FHOD3: variants seen among roughly 807,000 people sequenced by gnomAD.
The protein encoded by FHOD3 is formin homology 2 domain containing 3.
FHOD3 carries 90 observed loss-of-function variants against 173.0 expected under a neutral mutation model. The observed-to-expected ratio is 0.52, with a 90% CI of 0.44 to 0.62. The LOEUF (loss-of-function observed/expected upper bound fraction) is 0.62. Among genes scored for constraint, FHOD3 ranks in the 20% least tolerant of loss-of-function variants. FHOD3 has a pLI of 0.00. For synonymous variants in FHOD3, 828 were observed against 823.0 expected (o/e 1.01, Z -0.10); for missense variants, 1,945 against 2,034.7 (o/e 0.96, Z 0.85).
chr18:36,661,068 G>A (rs117506201), intron 14 of FHOD3, among the ~76,000 whole-genome samples: 3,199 of 152,026 alleles, frequency 0.021, 93 homozygotes, highest in Non-Finnish European at 0.024. Context: ...ATTAAGACCA[G>A]GAAGCCACTG....
At chr18:36,632,473 T>C (rs1209121482) in intron 10 of FHOD3, among the ~76,000 whole-genome samples, 1 of 152,234 alleles carries the variant, frequency 6.6e-6, no homozygotes. Context: ...AAGTAGAATA[T>C]AAGTATTCTT....
At chr18:36,757,126 A>G (rs935090240) in intron 25 of FHOD3, among the ~76,000 whole-genome samples, 5 of 152,236 alleles carry the variant, frequency 3.3e-5, no homozygotes, top group African/African-American at 9.6e-5. Context: ...TAATTTTTAA[A>G]TTCTTTCTCT....
intron 6 of FHOD3, among the ~76,000 whole-genome samples, chr18:36,581,325 G>C (rs2058843770): frequency 6.6e-6 from 1 of 152,108 alleles, no homozygotes; most frequent in African/African-American, 2.4e-5. Flanking sequence ...ATGGCCCTTT[G>C]TCACCCAGCA....
chr18:36,427,957 A>G (rs530730406), intron 3 of FHOD3, among the ~76,000 whole-genome samples: 5 of 152,246 alleles, frequency 3.3e-5, no homozygotes, highest in Non-Finnish European at 7.3e-5. Flanking sequence ...TAGGTTTTGA[A>G]CAAGGCATGT....
chr18:36,732,605 A>C (rs2041422750), intron 20 of FHOD3, among the ~76,000 whole-genome samples: 1 of 152,236 alleles, frequency 6.6e-6, no homozygotes, highest in Non-Finnish European at 1.5e-5. Context: ...ACTCGAATCC[A>C]GGAATCCAGC....
intron 19 of FHOD3, among the ~76,000 whole-genome samples, chr18:36,728,405 G>A (rs143288840): frequency 7.9e-5 from 12 of 152,222 alleles, no homozygotes; most frequent in African/African-American, 2.4e-4. Context: ...GAATTTCCAG[G>A]GACTCCTGAT....
chr18:36,456,125 T>C (rs577143065), intron 3 of FHOD3, among the ~76,000 whole-genome samples: 5 of 152,254 alleles, frequency 3.3e-5, no homozygotes, highest in African/African-American at 9.6e-5. Flanking sequence ...TTGAACTTCT[T>C]TTGTCCTGCG....
At chr18:36,603,624 C>G (rs964010418) in intron 8 of FHOD3, among the ~76,000 whole-genome samples, 1 of 151,960 alleles carries the variant, frequency 6.6e-6, no homozygotes, top group Non-Finnish European at 1.5e-5. Context: ...CTGCCTTAGC[C>G]CCTCTAGTAG....
intron 3 of FHOD3, among the ~76,000 whole-genome samples, chr18:36,492,133 A>G (rs1422088753): frequency 1.3e-5 from 2 of 152,122 alleles, no homozygotes; most frequent in African/African-American, 4.8e-5. Context: ...CCAGTCCTCC[A>G]CGTGGTCTTA....
chr18:36,625,497 C>T lies in FHOD3; in HGVS notation c.958-14C>T. The T allele has an allele frequency of 5.7e-6, 8 of 1,406,524 alleles. No homozygotes were observed. The highest frequency in any genetic ancestry group is 6.6e-6 in the Non-Finnish European group (7 of 1,065,310). The allele number at this position is 1,406,524 out of a possible 1,614,324, so 87.1% of individuals were successfully genotyped here. On this transcript the variant is annotated splice_polypyrimidine_tract_variant and intron_variant, in intron 9 of 28. Transcript: ENST00000590592. ...CAAGCCTGACCTTGCACTGGGCGTG[C>T]TCTGCTTTTCCAGGTGGCGCTCAGG...
In FHOD3 at chr18:36,612,385, G is replaced by A. The variant is rs368887500; in HGVS notation, c.957+290G>A. 3.9e-4 allele frequency among the ~76,000 whole-genome samples: 59 copies of A among 152,258 alleles called. 1 individual carries two copies. The East Asian group carries it at 5.6e-3, about 14-fold the overall frequency. ...TTTAAAGAACATGCCGTTTGTCAGCGGCACCTTCACTCAAGGAGACGGGGA... is the reference window on the plus strand; with the variant it reads ...TTTAAAGAACATGCCGTTTGTCAGCAGCACCTTCACTCAAGGAGACGGGGA... On this transcript the variant is annotated intron_variant, in intron 9 of 28. Transcript: ENST00000590592.
chr18:36,345,719 A>G (rs1434101836), intron 1 of FHOD3, among the ~76,000 whole-genome samples: 1 of 152,234 alleles, frequency 6.6e-6, no homozygotes, highest in African/African-American at 2.4e-5. Context: ...AGGAAAAAAC[A>G]TGCCAAACAC....
intron 13 of FHOD3, among the ~76,000 whole-genome samples, chr18:36,654,544 C>T (rs1017176492): frequency 6.6e-6 from 1 of 152,106 alleles, no homozygotes; most frequent in Non-Finnish European, 1.5e-5. Context: ...CAAAGCCAGT[C>T]CTTAGTCAAA....
chr18:36,729,787 T>C (rs1177633860), intron 19 of FHOD3, among the ~76,000 whole-genome samples: 2 of 152,174 alleles, frequency 1.3e-5, no homozygotes, highest in Admixed American at 1.3e-4. Context: ...TGAGGGGACA[T>C]AAACATTCAG....
At chr18:36,749,943 G>C (rs531777758) in intron 24 of FHOD3, among the ~76,000 whole-genome samples, 147 of 151,552 alleles carry the variant, frequency 9.7e-4, no homozygotes, top group Non-Finnish European at 1.6e-3. Flanking sequence ...GTGATGTTGA[G>C]CCTTTTTTTT....
chr18:36,500,217 G>A (rs2054958983), intron 3 of FHOD3, among the ~76,000 whole-genome samples: 1 of 152,226 alleles, frequency 6.6e-6, no homozygotes, highest in Admixed American at 6.5e-5. Context: ...GTTTCCACAG[G>A]AGCCCTCTGT....
Position 36,718,692 on chromosome 18 carries a change from T to C in FHOD3, c.3394T>C (p.Ser1132Pro). The C allele has an allele frequency of 6.2e-7, 1 of 1,613,664 alleles. No homozygotes were observed. The highest frequency in any genetic ancestry group is 8.5e-7 in the Non-Finnish European group (1 of 1,179,696). ...ACTGGAGCACCTGTTTGAGTCTAAA[T>C]CCAAGGAACTGTCTGTCTCAAAGGT... ...SRLEHLFESKSKELSVSKKTA... is the reference protein window; with the variant it reads ...SRLEHLFESKPKELSVSKKTA... Residue 1132 changes from serine to proline, a missense_variant, in exon 19 of 29, where the codon TCC becomes CCC. Transcript: ENST00000590592.
chr18:36,460,820 A>G (rs2052504285), intron 3 of FHOD3, among the ~76,000 whole-genome samples: 1 of 152,236 alleles, frequency 6.6e-6, no homozygotes. Context: ...AAGTGAATAC[A>G]GAGGTGCCTG....
intron 17 of FHOD3, among the ~76,000 whole-genome samples, chr18:36,693,968 G>A (rs1016863186): frequency 6.6e-6 from 1 of 152,186 alleles, no homozygotes; most frequent in African/African-American, 2.4e-5. Flanking sequence ...ACGTCCTTAT[G>A]TACAGACAGG....
Sources: allele counts gnomAD v4.1 joint callset (sites outside exome capture counted in the v4.1 genomes callset), GRCh38; gene constraint gnomAD v4.1.1; transcripts MANE v1.5; gene names NCBI Gene and HGNC (gene_info 2026-07-23, HGNC 2026-07-21).